Variants in ZNF256 observed in about 807,000 individuals in gnomAD.
ZNF256 encodes zinc finger protein 256.
A neutral mutation model predicts 7.9 loss-of-function variants in ZNF256; 4 were observed. The ratio of observed to expected loss-of-function variants is 0.50; its 90% confidence interval spans 0.25 to 1.15. The LOEUF is 1.15. Ranked by LOEUF, ZNF256 falls within the 50% of genes most tolerant of loss-of-function variation. The pLI, the probability that ZNF256 is intolerant of heterozygous loss-of-function variation, is 0.15. For synonymous variants in ZNF256, 260 were observed against 260.4 expected, an observed-to-expected ratio of 1.00 and a Z score of 0.02; for missense variants, 666 against 755.9, an observed-to-expected ratio of 0.88 and a Z score of 1.39.
In ZNF256 at chr19:57,942,131, C is replaced by G. The variant is rs760067124; in HGVS notation, c.677G>C (p.Arg226Pro). Reference sequence around the variant, plus strand: ...AATGAGGTCTCCCTGGTGCTGAACACGTACATGTTTGTAGCTGAAAGCTTT... The same window carrying G: ...AATGAGGTCTCCCTGGTGCTGAACAGGTACATGTTTGTAGCTGAAAGCTTT... ...CVKAFSYKHV[R>P]VQHQGDLIRE... is the part of the protein sequence containing the mutation. The change falls in exon 3 of 3, where the codon CGT (arginine) becomes CCT (proline). Residue 226 changes from arginine to proline, a missense_variant. By Grantham distance (103) the Arg-to-Pro change is moderately radical. Coordinates refer to ENST00000282308, the MANE Select transcript of ZNF256 (RefSeq NM_005773.3). 1 of 1,614,102 alleles carries G rather than the reference C, an allele frequency of 6.2e-7. No individual in the cohort carries two copies. The highest frequency in any genetic ancestry group is 1.3e-5 in the African/African-American group (1 of 74,928).
At chr19:57,944,152 C>G (rs966935267) in intron 1 of ZNF256, 92 bp from the exon 2 acceptor site, 24 of 1,569,770 alleles carry the variant, frequency 1.5e-5, no homozygotes, top group Non-Finnish European at 2.0e-5. Context: ...TGCTCATCCT[C>G]TTTCCAAGCT....
chr19:57,943,518 G>A (rs1284411170), intron 2 of ZNF256, among the ~76,000 whole-genome samples: 1 of 152,192 alleles, frequency 6.6e-6, no homozygotes, highest in East Asian at 1.9e-4. Context: ...GAAATTCAGA[G>A]GAGGATTTTG....
chr19:57,944,500 T>C (rs532949538), intron 1 of ZNF256, among the ~76,000 whole-genome samples: 1 of 152,336 alleles, frequency 6.6e-6, no homozygotes, highest in African/African-American at 2.4e-5. Context: ...AGGCAAATCC[T>C]GGCTTCCCCA....
In ZNF256 at chr19:57,947,499, C is replaced by T; in HGVS notation, c.-25G>A. Reference sequence around the variant, plus strand: ...TCTGACTCTGTGAGCGGAGCGGGGCCAGAGAGGATGTCCTTATTCCGGGCC... The same window carrying T: ...TCTGACTCTGTGAGCGGAGCGGGGCTAGAGAGGATGTCCTTATTCCGGGCC... On this transcript the variant is annotated 5_prime_UTR_variant, in exon 1 of 3. Transcript: ENST00000282308. The T allele has an allele frequency of 8.0e-7, 1 of 1,249,236 alleles. No individual in the cohort carries two copies. Among genetic ancestry groups the T allele is most frequent in the Middle Eastern group, 2.1e-4 (1 of 4,824 alleles). 77.4% of individuals were successfully genotyped at this position (1,249,236 alleles called of 1,614,324 possible).
chr19:57,943,355 G>A (rs1476547343), intron 2 of ZNF256, among the ~76,000 whole-genome samples: 2 of 152,136 alleles, frequency 1.3e-5, no homozygotes, highest in Non-Finnish European at 2.9e-5. Flanking sequence ...CCATCTTGCT[G>A]TGGGGAATCA....
chr19:57,945,947 C>T (rs922538711), intron 1 of ZNF256, among the ~76,000 whole-genome samples: 1 of 152,212 alleles, frequency 6.6e-6, no homozygotes, highest in Non-Finnish European at 1.5e-5. Flanking sequence ...GAATGAAACA[C>T]CCAGGCCCCA....
intron 1 of ZNF256, among the ~76,000 whole-genome samples, chr19:57,944,591 G>A (rs531668767): frequency 1.2e-4 from 18 of 152,294 alleles, no homozygotes; most frequent in African/African-American, 3.8e-4. Flanking sequence ...TTGGGAGGCC[G>A]AGGTGGGCGG....
chr19:57,947,334 C>A (rs1600198936), intron 1 of ZNF256, 108 bp downstream of exon 1: 2 of 1,112,098 alleles, frequency 1.8e-6, no homozygotes, highest in Non-Finnish European at 2.3e-6. Context: ...GCCCCTCCGG[C>A]GAGCCCCCGT....
rs141682900 is a variant in ZNF256, at chr19:57,941,231, T to G, written c.1577A>C (p.Lys526Thr). 9.8e-3 allele frequency: 15,788 copies of G among 1,614,182 alleles called. 91 individuals are homozygous for G. The highest frequency in any genetic ancestry group is 0.011 in the Non-Finnish European group (13,406 of 1,180,026). Residue 526 changes from lysine to threonine, a missense_variant, in exon 3 of 3, where the codon AAG (lysine) becomes ACG (threonine). Lys to Thr is a moderately conservative substitution (Grantham distance 78, BLOSUM62 -1). Coordinates refer to ENST00000282308, the MANE Select transcript of ZNF256 (RefSeq NM_005773.3). ...GAGGCTGGAGCTCTGGCTAAAAAAC[T>G]TCCCACATTCATTGCACTCATAAGG... ...ERPYECNECG[K>T]FFSQSSSLIR...
chr19:57,946,639 G>C (rs1329617702), intron 1 of ZNF256, among the ~76,000 whole-genome samples: 2 of 152,022 alleles, frequency 1.3e-5, no homozygotes, highest in Admixed American at 1.3e-4. Context: ...CCCCCAGTTT[G>C]TGCCCCACTG....
At chr19:57,946,365 G>T (rs997373012) in intron 1 of ZNF256, among the ~76,000 whole-genome samples, 3 of 152,092 alleles carry the variant, frequency 2.0e-5, no homozygotes, top group African/African-American at 7.2e-5. Flanking sequence ...AAACAAACCT[G>T]ATATCCCTAG....
chr19:57,944,148 T>C, intron 1 of ZNF256, 88 bp from the exon 2 acceptor site: 1 of 1,578,890 alleles, frequency 6.3e-7, no homozygotes, highest in South Asian at 1.1e-5. Flanking sequence ...CCCATGCTCA[T>C]CCTCTTTCCA....
intron 2 of ZNF256, among the ~76,000 whole-genome samples, chr19:57,943,468 C>T (rs1376461037): frequency 3.9e-5 from 6 of 152,078 alleles, no homozygotes; most frequent in East Asian, 1.9e-4. Context: ...AATGACTCTG[C>T]ACATGATAGC....
At chr19:57,946,105 C>T (rs958205951) in intron 1 of ZNF256, among the ~76,000 whole-genome samples, 2 of 152,170 alleles carry the variant, frequency 1.3e-5, no homozygotes, top group African/African-American at 2.4e-5. Flanking sequence ...TTTTACATAC[C>T]TTGCCTTCAT....
In ZNF256 at chr19:57,943,951, G is replaced by A; in HGVS notation, c.143C>T (p.Thr48Ile). ...LYHDVMLENLTLTTSLGGSGA... is the reference protein window; with the variant it reads ...LYHDVMLENLILTTSLGGSGA... ...GACCTTACCCAGGGAGGTTGTAAGT[G>A]TCAAGTTCTCCAGCATCACATCGTG... The change falls in exon 2 of 3, where the codon ACA becomes ATA. Residue 48 changes from threonine to isoleucine, a missense_variant. By Grantham distance (89) the Thr-to-Ile change is moderately conservative. Transcript: ENST00000282308. 1 of 1,614,034 alleles carries A rather than the reference G, an allele frequency of 6.2e-7. No individual in the cohort carries two copies. Among genetic ancestry groups the A allele is most frequent in the Non-Finnish European group, 8.5e-7 (1 of 1,179,966 alleles).
rs1469082588 is a variant in ZNF256, at chr19:57,941,920, T to C, written c.888A>G (p.Gln296=). The change falls in exon 3 of 3, where the codon CAA becomes CAG. Residue 296 remains glutamine (Q), a synonymous_variant. Coordinates refer to ENST00000282308, the MANE Select transcript of ZNF256 (RefSeq NM_005773.3). Reference sequence around the variant, plus strand: ...TAAATAATTTTCCACATTCATCACATTGATGAGGTCTTACTCCAGTGTGAA... The same window carrying C: ...TAAATAATTTTCCACATTCATCACACTGATGAGGTCTTACTCCAGTGTGAA... ...RRIHTGVRPH[Q]CDECGKLFNR... The C allele has an allele frequency of 3.1e-6, 5 of 1,614,064 alleles. No homozygotes were observed. The highest frequency in any genetic ancestry group is 1.7e-5 in the Admixed American group (1 of 59,998).
In ZNF256 at chr19:57,941,412, T is replaced by G; in HGVS notation, c.1396A>C (p.Ser466Arg). 1.2e-6 allele frequency: 2 copies of G among 1,614,234 alleles called. No homozygotes were observed. The highest frequency in any genetic ancestry group is 1.7e-6 in the Non-Finnish European group (2 of 1,180,042). The part of the protein sequence containing the change: ...VHTGERPYEC[S>R]ECGKSFTCKS... ...CAGGTAAAGGATTTTCCACATTCACTGCACTCATATGGCCTTTCTCCTGTG... is the reference window on the plus strand; with the variant it reads ...CAGGTAAAGGATTTTCCACATTCACGGCACTCATATGGCCTTTCTCCTGTG... The change falls in exon 3 of 3, where the codon AGT becomes CGT. Residue 466 changes from serine (S) to arginine (R), a missense_variant. By Grantham distance (110) the Ser-to-Arg change is moderately radical. Transcript: ENST00000282308.
chr19:57,941,791 A>T lies in ZNF256; in HGVS notation c.1017T>A (p.Ile339=). 6.2e-7 allele frequency: 1 copy of T among 1,614,016 alleles called. No homozygotes were observed. Among genetic ancestry groups the T allele is most frequent in the Non-Finnish European group, 8.5e-7 (1 of 1,179,956 alleles). Residue 339 remains isoleucine (I), a synonymous_variant, in exon 3 of 3, where the codon ATT becomes ATA. Transcript: ENST00000282308. ...GKSFSHSSSL[I]THQRIHTGMR... ...TTCCAGTATGAATTCTCTGGTGTGT[A>T]ATGAGGCTAGAGCTATGGCTAAAGG... is the stretch of plus-strand genomic sequence containing the variant.
Position 57,942,455 on chromosome 19 carries a change from TAC to T in ZNF256, c.351_352del (p.Thr119ArgfsTer5), listed in dbSNP as rs868229760. 2.5e-6 allele frequency: 4 copies of T among 1,614,106 alleles called. No homozygotes were observed. The African/African-American group carries it at 4.0e-5, about 16-fold the overall frequency. On this transcript the variant is annotated frameshift_variant, in exon 3 of 3. Coordinates refer to ENST00000282308, the MANE Select transcript of ZNF256 (RefSeq NM_005773.3). LOFTEE classifies it low-confidence loss of function (END_TRUNC). ...TTGTTTCCTACATGCCCCGTCTGTA[TAC>T]AGTTTCTGACCATGGTGTGTTCCTT...
Sources: allele counts gnomAD v4.1 joint callset (sites outside exome capture counted in the v4.1 genomes callset), GRCh38; gene constraint gnomAD v4.1.1; transcripts MANE v1.5; gene names NCBI Gene and HGNC (gene_info 2026-07-23, HGNC 2026-07-21).